CYP4F22: variants seen among roughly 807,000 people sequenced by gnomAD.
CYP4F22 encodes ultra-long-chain fatty acid omega-hydroxylase.
Under a neutral mutation model 60.4 loss-of-function variants are expected in CYP4F22, and 37 were observed. That is an observed-to-expected ratio of 0.61 (90% CI 0.47 to 0.81). The LOEUF (loss-of-function observed/expected upper bound fraction) is 0.81, where lower values mean the gene tolerates loss of function less well. Among genes scored for constraint, CYP4F22 ranks in the 30% least tolerant of loss-of-function variants. The pLI, the probability that CYP4F22 is intolerant of heterozygous loss-of-function variation, is 0.00. For synonymous variants in CYP4F22, 258 were observed against 280.5 expected (o/e 0.92, Z 0.80); for missense variants, 655 against 715.0 (o/e 0.92, Z 0.96).
intron 1 of CYP4F22, among the ~76,000 whole-genome samples, chr19:15,520,067 C>T (rs1238461436): frequency 1.3e-5 from 2 of 152,010 alleles, no homozygotes; most frequent in African/African-American, 2.4e-5. Context: ...AGTCTCAGCC[C>T]GGCGTGGTGG....
At chr19:15,520,867 G>C (rs1037016521) in intron 1 of CYP4F22, among the ~76,000 whole-genome samples, 1 of 150,482 alleles carries the variant, frequency 6.6e-6, no homozygotes, top group Admixed American at 6.6e-5. Flanking sequence ...TCCTGGGTTC[G>C]AGCAATTCTC....
chr19:15,547,018 G>GTTTTTTTTTTTTTTTTTTTTT lies in CYP4F22; in HGVS notation c.1137-1088_1137-1068dup, dbSNP rs71176432. Among the ~76,000 whole-genome samples, 8 of 82,312 alleles carry GTTTTTTTTTTTTTTTTTTTTT rather than the reference G, an allele frequency of 9.7e-5. 2 individuals carry two copies. The highest frequency in any genetic ancestry group is 4.5e-4 in the African/African-American group (8 of 17,590). The allele number at this position is 82,312 out of a possible 152,430, so 54.0% of individuals were successfully genotyped here. On this transcript the variant is annotated intron_variant, in intron 10 of 13. Coordinates refer to ENST00000269703, the MANE Select transcript of CYP4F22 (RefSeq NM_173483.4). ...GAGCCACCATGCCTGGCCTGCACCA[G>GTTTTTTTTTTTTTTTTTTTTT]TTTTTTTTTTTTTTTTTTTTTTAAG...
chr19:15,541,865 C>CAAAAAAAAA (rs1052977392), intron 8 of CYP4F22, among the ~76,000 whole-genome samples: 3 of 99,586 alleles, frequency 3.0e-5, no homozygotes, highest in Admixed American at 1.0e-4. Context: ...AACTCCGTCT[C>CAAAAAAAAA]AAAAAAAAAA....
In CYP4F22 at chr19:15,548,231, C is replaced by A. The variant is rs1243504230; in HGVS notation, c.1260C>A (p.Ile420=). 1.2e-6 allele frequency: 2 copies of A among 1,614,108 alleles called. No homozygotes were observed. Among genetic ancestry groups the A allele is most frequent in the South Asian group, 2.2e-5 (2 of 91,082 alleles). Reference sequence around the variant, plus strand: ...ACATCAAGCTCCCAGATGGGCGCATCATCCCCAAAGGTGCCTACCATGTTC... The same window carrying A: ...ACATCAAGCTCCCAGATGGGCGCATAATCCCCAAAGGTGCCTACCATGTTC... ...TEDIKLPDGR[I]IPKGIICLVS... is the part of the protein sequence containing the mutation. The change falls in exon 11 of 14, where the codon ATC becomes ATA. Residue 420 remains isoleucine (I), a synonymous_variant. Transcript: ENST00000269703.
At position 15,522,962 on chromosome 19, in the gene CYP4F22, C is replaced by T. The variant is rs189673551; in HGVS notation, c.-108-731C>T. ...CTGAACTCAAGTGATCTGCCCACCTCGGCCTCCCGAAATGTTGGGATTACA... is the reference window on the plus strand; with the variant it reads ...CTGAACTCAAGTGATCTGCCCACCTTGGCCTCCCGAAATGTTGGGATTACA... On this transcript the variant is annotated intron_variant, in intron 1 of 13. Transcript: ENST00000269703. Among the ~76,000 whole-genome samples the T allele has an allele frequency of 3.1e-3, 476 of 151,820 alleles. 2 individuals carry two copies. Among genetic ancestry groups the T allele is most frequent in the African/African-American group, 0.011 (443 of 41,446 alleles).
chr19:15,509,764 ACT>A (rs1199602576), intron 1 of CYP4F22, among the ~76,000 whole-genome samples: 3 of 151,168 alleles, frequency 2.0e-5, no homozygotes, highest in Admixed American at 6.6e-5. Context: ...AGTAACATTA[ACT>A]CTGGCCTGGT....
chr19:15,538,477 C>A (rs750279707), intron 7 of CYP4F22, among the ~76,000 whole-genome samples: 10 of 152,282 alleles, frequency 6.6e-5, no homozygotes, highest in Non-Finnish European at 1.5e-4. Flanking sequence ...AATCAAATAA[C>A]CAATGCCTTG....
intron 4 of CYP4F22, 136 bp downstream of exon 4, chr19:15,529,989 C>A: frequency 8.1e-7 from 1 of 1,228,886 alleles, no homozygotes; most frequent in Non-Finnish European, 1.2e-6. Context: ...TTTGGCAAAG[C>A]AAGCATGGCA....
chr19:15,509,962 C>CTCTT (rs1555726014), intron 1 of CYP4F22, among the ~76,000 whole-genome samples: 1,497 of 99,632 alleles, frequency 0.015, 43 homozygotes, highest in African/African-American at 0.045. Flanking sequence ...CTGTCTCTCT[C>CTCTT]TCTTTCTTTC....
At position 15,550,745 on chromosome 19, in the gene CYP4F22, T is replaced by C. The variant is rs1971585404; in HGVS notation, c.1407T>C (p.Ser469=). The change falls in exon 13 of 14, where the codon TCT becomes TCC. Residue 469 remains serine, a synonymous_variant. Transcript: ENST00000269703. ...CTCCACTGGCCTATGTGCCCTTCTC[T>C]GCAGGACCCAGGTAACCCCTCTATT... is the stretch of plus-strand genomic sequence containing the variant. The part of the protein sequence containing the change: ...QRSPLAYVPF[S]AGPRNCIGQS... 1 of 1,614,186 alleles carries C rather than the reference T, an allele frequency of 6.2e-7. No homozygotes were observed. The highest frequency in any genetic ancestry group is 8.5e-7 in the Non-Finnish European group (1 of 1,180,026).
intron 12 of CYP4F22, among the ~76,000 whole-genome samples, chr19:15,550,106 T>C (rs1003787076): frequency 6.6e-6 from 1 of 152,146 alleles, no homozygotes; most frequent in South Asian, 2.1e-4. Flanking sequence ...TTTTTTTGTA[T>C]TTTTAGTAGA....
rs1022909389 is a variant in CYP4F22 at position 15,525,374 on chromosome 19, G to A, written c.38G>A (p.Gly13Glu). 1 of 1,613,962 alleles carries A rather than the reference G, an allele frequency of 6.2e-7. No homozygotes were observed. Among genetic ancestry groups the A allele is most frequent in the South Asian group, 1.1e-5 (1 of 91,078 alleles). The stretch of plus-strand genomic sequence containing the variant: ...ACAGACCGCCTGCTGCACCTCCTGG[G>A]GCTGGAGAAGACGGCGTTCCGCATA... ...PITDRLLHLL[G>E]LEKTAFRIYA... Residue 13 changes from glycine (G) to glutamate (E), a missense_variant, in exon 3 of 14, where the codon GGG becomes GAG. Physicochemically the swap from Gly to Glu is moderately conservative, Grantham distance 98. Transcript: ENST00000269703.
chr19:15,522,364 G>T (rs757346048), intron 1 of CYP4F22, among the ~76,000 whole-genome samples: 10 of 152,080 alleles, frequency 6.6e-5, no homozygotes, highest in Non-Finnish European at 1.5e-4. Flanking sequence ...TTCCCAGGAA[G>T]TGTTAACTAA....
intron 1 of CYP4F22, among the ~76,000 whole-genome samples, chr19:15,523,184 G>A (rs1157632197): frequency 4.6e-5 from 7 of 151,652 alleles, no homozygotes; most frequent in Admixed American, 4.6e-4. Flanking sequence ...GTGAAACCCC[G>A]TCTCTATTAA....
chr19:15,546,892 G>T (rs1971531992), intron 10 of CYP4F22, among the ~76,000 whole-genome samples: 1 of 151,564 alleles, frequency 6.6e-6, no homozygotes, highest in Non-Finnish European at 1.5e-5. Flanking sequence ...TTAACTTTTG[G>T]TAGAGATGGG....
chr19:15,540,132 C>T (rs138404426), intron 7 of CYP4F22, among the ~76,000 whole-genome samples: 22 of 152,094 alleles, frequency 1.4e-4, no homozygotes, highest in African/African-American at 5.1e-4. Context: ...CTCTTTGGGC[C>T]TGTTCAAAAA....
chr19:15,531,146 A>T (rs1216576759), intron 4 of CYP4F22, among the ~76,000 whole-genome samples: 1 of 152,070 alleles, frequency 6.6e-6, no homozygotes, highest in African/African-American at 2.4e-5. Flanking sequence ...GGTGGCTGAG[A>T]TGGGAGGATC....
At chr19:15,545,648 C>CAAA (rs1217096575) in intron 10 of CYP4F22, among the ~76,000 whole-genome samples, 393 of 38,884 alleles carry the variant, frequency 0.01, 13 homozygotes, top group Non-Finnish European at 0.012. Flanking sequence ...GACCCTGTCT[C>CAAA]AAAAAAAAAA....
chr19:15,516,254 G>C (rs569436034), intron 1 of CYP4F22: 1 of 152,488 alleles, frequency 6.6e-6, no homozygotes, highest in Non-Finnish European at 1.5e-5. Context: ...GTGCTCACAG[G>C]CATGTCCCAG....
Sources: allele counts gnomAD v4.1 joint callset (sites outside exome capture counted in the v4.1 genomes callset), GRCh38; gene constraint gnomAD v4.1.1; transcripts MANE v1.5; gene names NCBI Gene and HGNC (gene_info 2026-07-23, HGNC 2026-07-21).